Variants in MTMR14 observed in about 807,000 individuals in gnomAD.
MTMR14 encodes the protein phosphatidylinositol-3,5-bisphosphate 3-phosphatase MTMR14.
In MTMR14, 48 loss-of-function variants were observed where a neutral mutation model predicts 86.3. That is an observed-to-expected ratio of 0.56 (90% CI 0.44 to 0.71). The LOEUF is 0.71. Ranked by LOEUF, MTMR14 falls within the 30% of genes least tolerant of loss-of-function variation. The probability of loss-of-function intolerance (pLI) is 0.00; values close to 1 mark genes in which losing one functional copy is unlikely to be tolerated. For missense variants in MTMR14, 780 were observed against 834.6 expected (o/e 0.93, Z 0.81); for synonymous variants, 366 against 326.1 (o/e 1.12, Z -1.32).
At chr3:9,700,934 TCAGCCTCC>T (rs905402828) in intron 18 of MTMR14, 7 of 152,252 alleles carry the variant, frequency 4.6e-5, no homozygotes, top group Admixed American at 4.6e-4. Flanking sequence ...TCTCCTGCCT[TCAGCCTCC>T]CAAGTAGCTG....
rs751060215 is a variant in MTMR14, at chr3:9,701,881, G to A, written c.1861G>A (p.Val621Ile). Residue 621 changes from valine to isoleucine, a missense_variant, in exon 19 of 19, where the codon GTA becomes ATA. Coordinates refer to ENST00000296003, the MANE Select transcript of MTMR14 (RefSeq NM_001077525.3). This position sits in a 1 kb window ranked among gnomAD's most constrained non-coding sequence, Gnocchi z 4.2. ...AYSSTVGLRA[V>I]APSPSGAIGG... Reference sequence around the variant, plus strand: ...CAGCAGCACAGTGGGGCTTCGGGCAGTAGCCCCCAGTCCTTCCGGTGCCAT... The same window carrying A: ...CAGCAGCACAGTGGGGCTTCGGGCAATAGCCCCCAGTCCTTCCGGTGCCAT... 7 of 1,613,994 alleles carry A rather than the reference G, an allele frequency of 4.3e-6. No individual in the cohort carries two copies. In the East Asian group the frequency reaches 6.7e-5, roughly 15 times the overall value.
chr3:9,667,651 C>G (rs1313921242), intron 3 of MTMR14, among the ~76,000 whole-genome samples: 1 of 152,110 alleles, frequency 6.6e-6, no homozygotes, highest in Admixed American at 6.6e-5. Flanking sequence ...CATTCTGTCC[C>G]AGGTTATATC....
chr3:9,675,191 G>T (rs2048788687), intron 7 of MTMR14, among the ~76,000 whole-genome samples: 1 of 152,204 alleles, frequency 6.6e-6, no homozygotes, highest in East Asian at 1.9e-4. Flanking sequence ...GACAGTGTAT[G>T]TGTGTTAGGG....
chr3:9,672,761 A>T lies in MTMR14; in HGVS notation c.751+3A>T. 2 of 1,614,022 alleles carry T rather than the reference A, an allele frequency of 1.2e-6. No individual in the cohort carries two copies. Among genetic ancestry groups the T allele is most frequent in the Non-Finnish European group, 1.7e-6 (2 of 1,179,928 alleles). ...TCTCCTCTCCATCCCGTATCCAGGT[A>T]GGGGGCTCTCTTCTAGTGGCAGGCA... On this transcript the variant is annotated splice_donor_region_variant and intron_variant, in intron 7 of 18. Transcript: ENST00000296003.
At chr3:9,669,680 A>G (rs2048465787) in intron 5 of MTMR14, among the ~76,000 whole-genome samples, 188 bp downstream of exon 5, 1 of 152,204 alleles carries the variant, frequency 6.6e-6, no homozygotes, top group Non-Finnish European at 1.5e-5. Context: ...GTAGCAGCCA[A>G]ATACCTGAGC....
At chr3:9,661,429 G>A (rs2047924928) in intron 2 of MTMR14, among the ~76,000 whole-genome samples, 2 of 152,204 alleles carry the variant, frequency 1.3e-5, no homozygotes, top group African/African-American at 4.8e-5. Flanking sequence ...ACAGGAGGTG[G>A]AAGTCAGACG....
rs530507395 is a variant in MTMR14 at position 9,679,545 on chromosome 3, C to A, written c.897+1487C>A. Among the ~76,000 whole-genome samples, 34 of 152,318 alleles carry A rather than the reference C, an allele frequency of 2.2e-4. No individual in the cohort carries two copies. The South Asian group carries it at 2.3e-3, about 10-fold the overall frequency. The stretch of plus-strand genomic sequence containing the variant: ...AGGCACTGGTCCCAAGGATGTTTGC[C>A]TCTTTAGGAAGGGGTCCTGTGCGTG... On this transcript the variant is annotated intron_variant, in intron 9 of 18. Coordinates refer to ENST00000296003, the MANE Select transcript of MTMR14 (RefSeq NM_001077525.3).
intron 17 of MTMR14, among the ~76,000 whole-genome samples, chr3:9,696,816 G>C (rs2076294158): frequency 6.6e-6 from 1 of 152,178 alleles, no homozygotes; most frequent in Non-Finnish European, 1.5e-5. Flanking sequence ...GTTTTTGGAT[G>C]AAAGAATAAA....
rs896632375 is a variant in MTMR14 at position 9,697,761 on chromosome 3, G to A, written c.1664G>A (p.Ser555Asn). Reference sequence around the variant, plus strand: ...TCCTCTCTCTCCACAGACTATGGCAGCTGGCAGATGGTAACGGGCTGTGGC... The same window carrying A: ...TCCTCTCTCTCCACAGACTATGGCAACTGGCAGATGGTAACGGGCTGTGGC... ...PGSSLSTDYG[S>N]WQMVTGCGSI... The change falls in exon 18 of 19, where the codon AGC becomes AAC. Residue 555 changes from serine (S) to asparagine (N), a missense_variant. Coordinates refer to ENST00000296003, the MANE Select transcript of MTMR14 (RefSeq NM_001077525.3). 8.1e-6 allele frequency: 13 copies of A among 1,614,156 alleles called. No individual in the cohort carries two copies. Among genetic ancestry groups the A allele is most frequent in the Non-Finnish European group, 1.1e-5 (13 of 1,180,032 alleles).
At position 9,701,699 on chromosome 3, in the gene MTMR14, C is replaced by A; in HGVS notation, c.1770-91C>A. 1 of 1,394,316 alleles carries A rather than the reference C, an allele frequency of 7.2e-7. No individual in the cohort carries two copies. Among genetic ancestry groups the A allele is most frequent in the Non-Finnish European group, 9.7e-7 (1 of 1,033,432 alleles). The allele number at this position is 1,394,316 out of a possible 1,614,324, so 86.4% of individuals were successfully genotyped here. On this transcript the variant is annotated intron_variant, in intron 18 of 18. Transcript: ENST00000296003. The surrounding 1 kb of genome is among the most constrained non-coding windows in gnomAD (Gnocchi z 4.2). ...TGGCCTTGTACAGTCAGAAGAAGCA[C>A]AAGGACAGGTGGTATGGAGGGAGGG...
chr3:9,659,534 C>G (rs923616446), intron 2 of MTMR14: 18 of 356,722 alleles, frequency 5.0e-5, no homozygotes, highest in Non-Finnish European at 8.9e-5. Flanking sequence ...ACCTCCGCCT[C>G]CTGGGTTCAA....
chr3:9,667,442 T>A (rs1329393769), intron 3 of MTMR14, among the ~76,000 whole-genome samples: 1 of 151,824 alleles, frequency 6.6e-6, no homozygotes, highest in South Asian at 2.1e-4. Context: ...GTGTACATAT[T>A]TTTTTTTTCA....
chr3:9,695,781 C>T (rs1331489996), intron 17 of MTMR14, among the ~76,000 whole-genome samples: 1 of 152,194 alleles, frequency 6.6e-6, no homozygotes, highest in Non-Finnish European at 1.5e-5. Context: ...GCTGCTAGAA[C>T]TGGAAAAGAT....
Position 9,677,582 on chromosome 3 carries a change from T to C in MTMR14, c.822+195T>C, listed in dbSNP as rs2075624438. On this transcript the variant is annotated intron_variant, in intron 8 of 18. Coordinates refer to ENST00000296003, the MANE Select transcript of MTMR14 (RefSeq NM_001077525.3). This position sits in a 1 kb window ranked among gnomAD's most constrained non-coding sequence, Gnocchi z 4.2. Reference sequence around the variant, plus strand: ...TTGTTAAATTTTCATCATTATACTTTCCTCCCCCCTTTATTTCTCTTTTGT... The same window carrying C: ...TTGTTAAATTTTCATCATTATACTTCCCTCCCCCCTTTATTTCTCTTTTGT... Among the ~76,000 whole-genome samples, 1 of 151,476 alleles carries C rather than the reference T, an allele frequency of 6.6e-6. No homozygotes were observed. The highest frequency in any genetic ancestry group is 2.1e-4 in the South Asian group (1 of 4,808).
intron 7 of MTMR14, among the ~76,000 whole-genome samples, chr3:9,673,951 G>GTGA (rs549909023): frequency 1.2e-3 from 175 of 152,046 alleles, no homozygotes; most frequent in Admixed American, 2.4e-3. Flanking sequence ...GTTGATGATG[G>GTGA]TGATGATGAT....
Position 9,701,756 on chromosome 3 carries a change from A to G in MTMR14, c.1770-34A>G. The stretch of plus-strand genomic sequence containing the variant: ...AGGATACTGGGTCCTGTCCCAGGGT[A>G]ATGTCTTTGTTCTTTCTCTTGACCT... On this transcript the variant is annotated intron_variant, in intron 18 of 18. Coordinates refer to ENST00000296003, the MANE Select transcript of MTMR14 (RefSeq NM_001077525.3). This position sits in a 1 kb window ranked among gnomAD's most constrained non-coding sequence, Gnocchi z 4.2. 6.2e-7 allele frequency: 1 copy of G among 1,611,114 alleles called. No homozygotes were observed. Among genetic ancestry groups the G allele is most frequent in the Non-Finnish European group, 8.5e-7 (1 of 1,178,980 alleles).
chr3:9,684,514 G>A (rs1187227985), intron 10 of MTMR14, 71 bp from the exon 11 acceptor site: 3 of 1,485,552 alleles, frequency 2.0e-6, no homozygotes, highest in Non-Finnish European at 2.8e-6. Flanking sequence ...AGGCCAAGCT[G>A]GTGGTACTTC....
At chr3:9,695,789 G>T (rs2076265507) in intron 17 of MTMR14, among the ~76,000 whole-genome samples, 1 of 152,198 alleles carries the variant, frequency 6.6e-6, no homozygotes, top group African/African-American at 2.4e-5. Flanking sequence ...AACTGGAAAA[G>T]ATTCTACCCT....
chr3:9,652,943 T>TA (rs1182105033), intron 1 of MTMR14, among the ~76,000 whole-genome samples: 4 of 151,716 alleles, frequency 2.6e-5, no homozygotes, highest in Admixed American at 6.6e-5. Flanking sequence ...CTGTGTCTTT[T>TA]AAAAAAATAA....
Sources: allele counts gnomAD v4.1 joint callset (sites outside exome capture counted in the v4.1 genomes callset), GRCh38; gene constraint gnomAD v4.1.1; non-coding constraint Gnocchi (gnomAD v3.1); transcripts MANE v1.5; gene names NCBI Gene and HGNC (gene_info 2026-07-23, HGNC 2026-07-21).